The following XRN1 variants were observed in gnomAD, a reference collection of about 807,000 sequenced individuals.
XRN1 encodes strand-exchange protein 1 homolog.
Under a neutral mutation model 222.3 loss-of-function variants are expected in XRN1, and 67 were observed. The ratio of observed to expected loss-of-function variants is 0.30; its 90% CI spans 0.25 to 0.37. XRN1 has a LOEUF of 0.37. XRN1 is among the 10% of genes least tolerant of loss of function. The probability of loss-of-function intolerance (pLI) is 1.00; values close to 1 mark genes in which losing one functional copy is unlikely to be tolerated. For synonymous variants in XRN1, 643 were observed against 652.4 expected, an observed-to-expected ratio of 0.99 and a Z score of 0.22; for missense variants, 1,707 against 2,000.2, an observed-to-expected ratio of 0.85 and a Z score of 2.80.
chr3:142,362,039 G>A (rs1335371311), intron 29 of XRN1, among the ~76,000 whole-genome samples: 1 of 137,498 alleles, frequency 7.3e-6, no homozygotes, highest in African/African-American at 2.8e-5. Context: ...TGTGATCTCA[G>A]CTCAGTGCAA....
In XRN1 at chr3:142,306,753, G is replaced by GT. The variant is rs1560268969; in HGVS notation, c.*4757dup. The GT allele has an allele frequency of 6.6e-6, 1 of 152,488 alleles. No individual in the cohort carries two copies. The highest frequency in any genetic ancestry group is 6.6e-5 in the Admixed American group (1 of 15,266). 9.4% of individuals were successfully genotyped at this position (152,488 alleles called of 1,614,324 possible). A position where few individuals can be genotyped will look rare whatever the true frequency, so the allele number is the denominator to read the frequency against. ...TTCATGCTAGAAATCTACGGATAAC[G>GT]TAACACCACAAAAATACATTCGGAG... On this transcript the variant is annotated 3_prime_UTR_variant, in exon 41 of 41. Transcript: ENST00000392981.
intron 33 of XRN1, among the ~76,000 whole-genome samples, chr3:142,346,724 G>C (rs542026291): frequency 9.9e-5 from 15 of 152,158 alleles, no homozygotes; most frequent in Admixed American, 9.8e-4. Context: ...CAAGTGATCT[G>C]CCTGCCTTGG....
rs2107911408 is a variant in XRN1 at position 142,376,506 on chromosome 3, A to G, written c.2804T>C (p.Ile935Thr). 6.8e-6 allele frequency: 11 copies of G among 1,613,200 alleles called. No individual in the cohort carries two copies. Among genetic ancestry groups the G allele is most frequent in the African/African-American group, 1.3e-5 (1 of 75,022 alleles). Residue 935 changes from isoleucine (I) to threonine (T), a missense_variant, in exon 24 of 41, where the codon ATT becomes ACT. Physicochemically the swap from Ile to Thr is moderately conservative, Grantham distance 89. Transcript: ENST00000392981. ...GYLVSRFTGS[I>T]FIGRGSRRNP... ...TCTCCTAGATCCTCTTCCAATAAAA[A>G]TACTTCCTGTAAACCTTGAAACAAG... is the stretch of plus-strand genomic sequence containing the variant.
chr3:142,430,990 T>C (rs2069496207), intron 2 of XRN1, among the ~76,000 whole-genome samples: 1 of 152,224 alleles, frequency 6.6e-6, no homozygotes, highest in South Asian at 2.1e-4. Context: ...AATTGCATTC[T>C]GATCTCACTT....
intron 25 of XRN1, among the ~76,000 whole-genome samples, chr3:142,374,071 C>T (rs538874310): frequency 3.3e-5 from 5 of 152,178 alleles, no homozygotes; most frequent in East Asian, 1.9e-4. Context: ...CGATCAAGTG[C>T]AGGAGAAGAA....
chr3:142,414,277 T>C lies in XRN1; in HGVS notation c.1451A>G (p.His484Arg). 2 of 1,609,778 alleles carry C rather than the reference T, an allele frequency of 1.2e-6. No individual in the cohort carries two copies. Among genetic ancestry groups the C allele is most frequent in the South Asian group, 1.1e-5 (1 of 90,072 alleles). Residue 484 changes from histidine (H) to arginine (R), a missense_variant, in exon 14 of 41, where the codon CAT (histidine) becomes CGT (arginine). His to Arg is a conservative substitution (Grantham distance 29). This residue lies in a region of XRN1 where 1,234 missense variants were observed against 1,518.2 expected (regional missense o/e 0.81). Transcript: ENST00000392981. ...TATATCAGACAGGAAAGGTGCATAA[T>C]GATAAGGATAATACCTATAAAACAA... is the stretch of plus-strand genomic sequence containing the variant. ...VQSWSWYYPYHYAPFLSDIHN... is the reference protein window; with the variant it reads ...VQSWSWYYPYRYAPFLSDIHN...
chr3:142,416,069 A>C (rs2068774790), intron 13 of XRN1, among the ~76,000 whole-genome samples: 1 of 152,088 alleles, frequency 6.6e-6, no homozygotes, highest in Non-Finnish European at 1.5e-5. Flanking sequence ...TTGCTGACAG[A>C]ACGAGACTCT....
At chr3:142,358,700 G>A (rs551942565) in intron 30 of XRN1, among the ~76,000 whole-genome samples, 67 of 152,236 alleles carry the variant, frequency 4.4e-4, no homozygotes, top group Admixed American at 4.4e-3. Context: ...AATCAGACAG[G>A]AGATCCGGAT....
intron 33 of XRN1, among the ~76,000 whole-genome samples, chr3:142,336,337 G>A (rs1451183939): frequency 6.6e-6 from 1 of 151,824 alleles, no homozygotes; most frequent in African/African-American, 2.4e-5. Flanking sequence ...TAGCTATATA[G>A]ATCTACTATA....
At chr3:142,412,783 A>T (rs1021023568) in intron 14 of XRN1, 120 bp from the exon 15 acceptor site, 8 of 803,630 alleles carry the variant, frequency 1.0e-5, no homozygotes, top group Non-Finnish European at 1.2e-5. Flanking sequence ...AGCAAACTAA[A>T]TTTTTGTACC....
intron 1 of XRN1, among the ~76,000 whole-genome samples, chr3:142,444,787 G>A (rs1281380812): frequency 6.6e-6 from 1 of 151,952 alleles, no homozygotes; most frequent in East Asian, 1.9e-4. Context: ...CACACTGCAT[G>A]CCTGTACGAA....
At chr3:142,401,793 T>C (rs370123978) in intron 18 of XRN1, among the ~76,000 whole-genome samples, 1 of 152,212 alleles carries the variant, frequency 6.6e-6, no homozygotes, top group East Asian at 1.9e-4. Flanking sequence ...AATCTTAGCC[T>C]AGTTCTCAGA....
intron 37 of XRN1, among the ~76,000 whole-genome samples, chr3:142,321,941 A>G (rs1173849065): frequency 6.6e-6 from 1 of 152,158 alleles, no homozygotes; most frequent in Non-Finnish European, 1.5e-5. Flanking sequence ...CTTCTAATTT[A>G]GATGTCTTTT....
intron 32 of XRN1, among the ~76,000 whole-genome samples, chr3:142,350,578 T>A (rs2107811942): frequency 6.6e-6 from 1 of 152,194 alleles, no homozygotes; most frequent in African/African-American, 2.4e-5. Context: ...CTGCCTGCTG[T>A]CTTGAGAATA....
At chr3:142,338,979 T>A (rs1321823612) in intron 33 of XRN1, among the ~76,000 whole-genome samples, 1 of 152,204 alleles carries the variant, frequency 6.6e-6, no homozygotes, top group Non-Finnish European at 1.5e-5. Context: ...GTCTCCTGGA[T>A]GGCATCTCAG....
intron 5 of XRN1, 84 bp downstream of exon 5, chr3:142,425,138 C>G: frequency 1.1e-6 from 1 of 932,926 alleles, no homozygotes; most frequent in African/African-American, 1.7e-5. Context: ...GTTGCCACAG[C>G]CAGTAAGCTT....
Position 142,349,346 on chromosome 3 carries a change from G to C in XRN1, c.3769-2004C>G, listed in dbSNP as rs527500850. Among the ~76,000 whole-genome samples the C allele has an allele frequency of 7.2e-5, 11 of 152,148 alleles. No individual in the cohort carries two copies. In the East Asian group the frequency reaches 2.1e-3, roughly 29 times the overall value. Reference sequence around the variant, plus strand: ...GCTTTGGACTACAGCAGTACATTATGGGTGATTTTGACTCTAAGGAGAAGA... The same window carrying C: ...GCTTTGGACTACAGCAGTACATTATCGGTGATTTTGACTCTAAGGAGAAGA... On this transcript the variant is annotated intron_variant, in intron 32 of 40. Transcript: ENST00000392981.
intron 39 of XRN1, among the ~76,000 whole-genome samples, chr3:142,317,775 G>A (rs2065248991): frequency 6.6e-6 from 1 of 152,072 alleles, no homozygotes; most frequent in Non-Finnish European, 1.5e-5. Context: ...GAACCTCTTG[G>A]GAACGGCGAG....
intron 19 of XRN1, among the ~76,000 whole-genome samples, chr3:142,399,599 A>G (rs193043416): frequency 5.6e-4 from 85 of 152,208 alleles, no homozygotes; most frequent in African/African-American, 2.0e-3. Flanking sequence ...TTCATCAGAA[A>G]GGTAGGGGAA....
Sources: gnomAD v4.1 joint callset for allele counts (sites outside exome capture counted in the v4.1 genomes callset) on GRCh38, gnomAD v4.1.1 for gene constraint, gnomAD v4.1.1 regional missense constraint, MANE v1.5 for transcripts, NCBI Gene and HGNC (gene_info 2026-07-23, HGNC 2026-07-21) for gene names.